CCDC81: variants seen among roughly 807,000 people sequenced by gnomAD.
CCDC81 encodes the protein coiled-coil domain containing 81.
CCDC81 carries 79 observed loss-of-function variants against 83.7 expected under a neutral mutation model. That is an observed-to-expected ratio of 0.94 (90% confidence interval 0.79 to 1.14). The LOEUF (loss-of-function observed/expected upper bound fraction) is 1.14. Ranked by LOEUF, CCDC81 falls within the 50% of genes most tolerant of loss-of-function variation. The pLI is 0.00. For missense variants in CCDC81, 791 were observed against 778.1 expected (o/e 1.02, Z -0.20); for synonymous variants, 252 against 278.1 (o/e 0.91, Z 0.93).
intron 3 of CCDC81, among the ~76,000 whole-genome samples, chr11:86,388,556 T>G (rs1948280408): frequency 6.6e-6 from 1 of 152,220 alleles, no homozygotes; most frequent in African/African-American, 2.4e-5. Flanking sequence ...TCCTGAAAGT[T>G]AATTTTCAGA....
chr11:86,402,450 TAAC>T (rs1948505917), intron 7 of CCDC81, among the ~76,000 whole-genome samples: 1 of 152,218 alleles, frequency 6.6e-6, no homozygotes, highest in African/African-American at 2.4e-5. Context: ...TCTAAAACCT[TAAC>T]AAATAATTGC....
rs1948601704 is a variant in CCDC81 at position 86,409,082 on chromosome 11, C to T, written c.1114-179C>T. Among the ~76,000 whole-genome samples, 3 of 152,114 alleles carry T rather than the reference C, an allele frequency of 2.0e-5. No homozygotes were observed. The South Asian group carries it at 6.2e-4, about 32-fold the overall frequency. On this transcript the variant is annotated intron_variant, in intron 9 of 14. Coordinates refer to ENST00000445632, the MANE Select transcript of CCDC81 (RefSeq NM_001156474.2). ...AAGGCCAAGAAAAGGAAATAAAATA[C>T]CTTTCCCAATCTACTTTTATAAATC...
In CCDC81 at chr11:86,422,853, T is replaced by G. The variant is rs1948814293; in HGVS notation, c.*138T>G. The G allele has an allele frequency of 1.2e-6, 1 of 837,308 alleles. No homozygotes were observed. The highest frequency in any genetic ancestry group is 1.7e-5 in the African/African-American group (1 of 58,232). 51.9% of individuals were successfully genotyped at this position (837,308 alleles called of 1,614,324 possible). On this transcript the variant is annotated 3_prime_UTR_variant, in exon 15 of 15. Coordinates refer to ENST00000445632, the MANE Select transcript of CCDC81 (RefSeq NM_001156474.2). ...TTGGTGCTTTCATTAGATTGCTTGT[T>G]AAGCCCTTATTGAATTCACTCCTGC...
At chr11:86,412,282 ATAT>A (rs1948653307) in intron 10 of CCDC81, 102 bp from the exon 11 acceptor site, 1 of 935,044 alleles carries the variant, frequency 1.1e-6, no homozygotes, top group Non-Finnish European at 1.6e-6. Context: ...GGCTGGGCAA[ATAT>A]TATAAATTAA....
chr11:86,418,743 T>A (rs1948752699), intron 13 of CCDC81, among the ~76,000 whole-genome samples: 1 of 152,208 alleles, frequency 6.6e-6, no homozygotes. Context: ...AGTTGTTTAA[T>A]GGGTGTAGTT....
At chr11:86,390,751 G>A (rs1298875966) in intron 3 of CCDC81, among the ~76,000 whole-genome samples, 1 of 152,158 alleles carries the variant, frequency 6.6e-6, no homozygotes, top group Middle Eastern at 3.2e-3. Context: ...TTGGAGAACA[G>A]ATGGATGCTC....
chr11:86,378,213 C>G (rs1450296348), intron 1 of CCDC81, among the ~76,000 whole-genome samples: 1 of 151,960 alleles, frequency 6.6e-6, no homozygotes, highest in African/African-American at 2.4e-5. Flanking sequence ...TAGTGACAGT[C>G]CTCTGACTTG....
chr11:86,407,971 T>C (rs1052648851), intron 8 of CCDC81, among the ~76,000 whole-genome samples, 156 bp from the exon 9 acceptor site: 2 of 152,248 alleles, frequency 1.3e-5, no homozygotes, highest in Admixed American at 1.3e-4. Flanking sequence ...AGAGTATTTC[T>C]GGGGTCCACT....
chr11:86,405,061 C>G (rs1385277423), intron 7 of CCDC81, among the ~76,000 whole-genome samples: 1 of 152,026 alleles, frequency 6.6e-6, no homozygotes, highest in Non-Finnish European at 1.5e-5. Flanking sequence ...TTAGCTAAAC[C>G]TTGTTAAAAT....
chr11:86,421,877 A>C (rs1284093341), intron 14 of CCDC81, among the ~76,000 whole-genome samples: 2 of 149,272 alleles, frequency 1.3e-5, no homozygotes, highest in African/African-American at 5.0e-5. Flanking sequence ...GTGATCGCAC[A>C]CTCCAGGCTG....
intron 6 of CCDC81, among the ~76,000 whole-genome samples, chr11:86,399,582 T>C (rs1023843376): frequency 4.6e-5 from 7 of 152,060 alleles, no homozygotes; most frequent in African/African-American, 1.2e-4. Flanking sequence ...TCCCAAAGTG[T>C]TGGGATTACA....
chr11:86,383,089 C>T (rs1005218056), intron 1 of CCDC81, among the ~76,000 whole-genome samples: 7 of 152,142 alleles, frequency 4.6e-5, no homozygotes, highest in African/African-American at 1.7e-4. Context: ...ATTGTATATT[C>T]CTGCTGCTTC....
At chr11:86,392,851 A>T (rs1376455129) in intron 4 of CCDC81, 54 bp downstream of exon 4, 52 of 1,501,738 alleles carry the variant, frequency 3.5e-5, no homozygotes, top group Non-Finnish European at 4.5e-5. Context: ...GTTCTGACTC[A>T]TCTATAGGTG....
At chr11:86,405,895 T>G (rs1276320105) in intron 7 of CCDC81, among the ~76,000 whole-genome samples, 4 of 152,038 alleles carry the variant, frequency 2.6e-5, no homozygotes, top group Non-Finnish European at 5.9e-5. Flanking sequence ...CCTGAGTAGT[T>G]GGGATTACAG....
intron 6 of CCDC81, among the ~76,000 whole-genome samples, chr11:86,400,213 A>G (rs568778778): frequency 1.8e-4 from 28 of 152,030 alleles, no homozygotes; most frequent in Non-Finnish European, 2.8e-4. Flanking sequence ...GTTGTTATTT[A>G]TTAAATGTAT....
chr11:86,387,377 G>C (rs989183502), intron 2 of CCDC81, 139 bp from the exon 3 acceptor site: 2 of 686,636 alleles, frequency 2.9e-6, no homozygotes, highest in Non-Finnish European at 4.9e-6. Flanking sequence ...AAATGCTATA[G>C]CTCTGAAGAG....
At chr11:86,403,579 T>C (rs1948522969) in intron 7 of CCDC81, among the ~76,000 whole-genome samples, 1 of 152,068 alleles carries the variant, frequency 6.6e-6, no homozygotes, top group Non-Finnish European at 1.5e-5. Flanking sequence ...TGTAGCACAA[T>C]TTAGCAGATC....
At chr11:86,393,829 C>A (rs1948367387) in intron 4 of CCDC81, among the ~76,000 whole-genome samples, 1 of 152,102 alleles carries the variant, frequency 6.6e-6, no homozygotes, top group Non-Finnish European at 1.5e-5. Context: ...TGGAAACTAA[C>A]AAAGTAGACA....
intron 1 of CCDC81, among the ~76,000 whole-genome samples, chr11:86,381,764 A>G (rs1948179413): frequency 6.6e-6 from 1 of 152,196 alleles, no homozygotes; most frequent in Non-Finnish European, 1.5e-5. Context: ...ACTTCCTTAC[A>G]TACAGCACCA....
Sources: allele counts gnomAD v4.1 joint callset (sites outside exome capture counted in the v4.1 genomes callset), GRCh38; gene constraint gnomAD v4.1.1; transcripts MANE v1.5; gene names NCBI Gene and HGNC (gene_info 2026-07-23, HGNC 2026-07-21).